PRL: variants seen among roughly 807,000 people sequenced by gnomAD.
PRL encodes prolactin.
PRL carries 24 observed loss-of-function variants against 21.3 expected under a neutral mutation model. That is an observed-to-expected ratio of 1.13 (90% confidence interval 0.82 to 1.59). The LOEUF (loss-of-function observed/expected upper bound fraction) is 1.59, where lower values mean the gene tolerates loss of function less well. PRL is among the 40% of genes most tolerant of loss of function. PRL has a pLI of 0.00. For synonymous variants in PRL, 118 were observed against 115.7 expected, an observed-to-expected ratio of 1.02 and a Z score of -0.13; for missense variants, 243 against 286.9, an observed-to-expected ratio of 0.85 and a Z score of 1.10.
chr6:22,298,842 C>T (rs532527902), upstream of PRL, among the ~76,000 whole-genome samples: 1 of 152,250 alleles, frequency 6.6e-6, no homozygotes, highest in East Asian at 1.9e-4. Context: ...ACAACTTAAT[C>T]TTAAAATTTA....
chr6:22,297,219 A>G, upstream of PRL: 1 of 553,692 alleles, frequency 1.8e-6, no homozygotes, highest in South Asian at 2.4e-5. Context: ...CTGGCCAGAA[A>G]TGAACATTCT....
At chr6:22,292,109 G>C (rs1228993092) in intron 3 of PRL, among the ~76,000 whole-genome samples, 2 of 152,108 alleles carry the variant, frequency 1.3e-5, no homozygotes, top group Non-Finnish European at 2.9e-5. Context: ...AGAACAGATG[G>C]CTCCAATAGT....
chr6:22,291,329 C>G (rs1301037795), intron 3 of PRL, among the ~76,000 whole-genome samples: 1 of 152,182 alleles, frequency 6.6e-6, no homozygotes, highest in Non-Finnish European at 1.5e-5. Flanking sequence ...TAGAATGAAG[C>G]CCAGGCTCGC....
chr6:22,298,556 G>A (rs766726640), upstream of PRL, among the ~76,000 whole-genome samples: 22 of 152,116 alleles, frequency 1.4e-4, no homozygotes, highest in African/African-American at 2.4e-4. Flanking sequence ...AAAGACTAAC[G>A]TCTCTGAAAA....
Position 22,288,911 on chromosome 6 carries a change from TGTGTGTGC to T in PRL, c.492+1255_492+1262del, listed in dbSNP as rs1760987140. On this transcript the variant is annotated intron_variant, in intron 4 of 4. Transcript: ENST00000306482. The surrounding 1 kb of genome is among the most constrained non-coding windows in gnomAD (Gnocchi z 4.5). Reference sequence around the variant, plus strand: ...GTGTGTGTGCGTGTGTGCGCGCGCGTGTGTGTGCGTGCGCGTGTGTGTGCATGTGTGTG... The same window carrying T: ...GTGTGTGTGCGTGTGTGCGCGCGCGTGTGCGCGTGTGTGTGCATGTGTGTG... Among the ~76,000 whole-genome samples, 1 of 150,082 alleles carries T rather than the reference TGTGTGTGC, an allele frequency of 6.7e-6. No individual in the cohort carries two copies. Among genetic ancestry groups the T allele is most frequent in the Non-Finnish European group, 1.5e-5 (1 of 67,534 alleles).
chr6:22,299,538 GTATA>G (rs1371318616), upstream of PRL, among the ~76,000 whole-genome samples: 4 of 152,156 alleles, frequency 2.6e-5, no homozygotes, highest in African/African-American at 9.6e-5. Flanking sequence ...ATGAAGCAAA[GTATA>G]TTTAAAATCC....
intron 2 of PRL, among the ~76,000 whole-genome samples, chr6:22,292,882 A>T (rs1411267695): frequency 6.6e-6 from 1 of 152,150 alleles, no homozygotes; most frequent in East Asian, 1.9e-4. Flanking sequence ...CCTTCTTTGC[A>T]ATTCCCTTGT....
At chr6:22,299,651 C>T (rs192481292), upstream of PRL, among the ~76,000 whole-genome samples, 41 of 152,192 alleles carry the variant, frequency 2.7e-4, no homozygotes, top group Non-Finnish European at 5.3e-4. Context: ...CCAGTCTGAT[C>T]AATATGGTGA....
chr6:22,301,917 A>G (rs1233982043), upstream of PRL, among the ~76,000 whole-genome samples: 1 of 152,204 alleles, frequency 6.6e-6, no homozygotes, highest in African/African-American at 2.4e-5. Context: ...AGTAATTCAA[A>G]CAAGTATAAT....
Position 22,287,390 on chromosome 6 carries a change from A to G in PRL, c.*12T>C, listed in dbSNP as rs1358093604. The G allele has an allele frequency of 4.4e-6, 7 of 1,600,264 alleles. No homozygotes were observed. Among genetic ancestry groups the G allele is most frequent in the Non-Finnish European group, 6.0e-6 (7 of 1,169,514 alleles). ...AAGGACCTTCTCAGAAATAGATGAA[A>G]TGGATGTGGGCTTAGCAGTTGTTGT... On this transcript the variant is annotated 3_prime_UTR_variant, in exon 5 of 5. Coordinates refer to ENST00000306482, the MANE Select transcript of PRL (RefSeq NM_000948.6).
At chr6:22,295,428 G>C (rs939053569) in intron 1 of PRL, among the ~76,000 whole-genome samples, 2 of 152,112 alleles carry the variant, frequency 1.3e-5, no homozygotes, top group East Asian at 3.9e-4. Flanking sequence ...TGTGTAATGG[G>C]GGCCGCATGA....
chr6:22,287,349 A>G lies in PRL; in HGVS notation c.*53T>C. On this transcript the variant is annotated 3_prime_UTR_variant, in exon 5 of 5. Coordinates refer to ENST00000306482, the MANE Select transcript of PRL (RefSeq NM_000948.6). ...AGAGATACAACTAAAAGAAGCTTGCAATGGAACGGATCATTAAGGACCTTC... is the reference window on the plus strand; with the variant it reads ...AGAGATACAACTAAAAGAAGCTTGCGATGGAACGGATCATTAAGGACCTTC... 1 of 1,512,998 alleles carries G rather than the reference A, an allele frequency of 6.6e-7. No individual in the cohort carries two copies. Among genetic ancestry groups the G allele is most frequent in the Non-Finnish European group, 9.0e-7 (1 of 1,110,776 alleles). 93.7% of individuals were successfully genotyped at this position (1,512,998 alleles called of 1,614,324 possible). A position where few individuals can be genotyped will look rare whatever the true frequency, so the allele number is the denominator to read the frequency against.
upstream of PRL, among the ~76,000 whole-genome samples, chr6:22,299,334 GATGCTAAAGTTCCC>G (rs1438231651): frequency 1.3e-5 from 2 of 152,178 alleles, no homozygotes; most frequent in African/African-American, 4.8e-5. Context: ...TAGCTCAAAT[GATGCTAAAGTTCCC>G]ATGCTATGTT....
At chr6:22,293,625 GGGAAGGAAGGAAGGAA>G (rs1176296800) in intron 2 of PRL, among the ~76,000 whole-genome samples, 50 of 27,324 alleles carry the variant, frequency 1.8e-3, no homozygotes, top group African/African-American at 4.8e-3. Context: ...GAGGGAAGGA[GGGAAGGAAGGAAGGAA>G]GGAAGGAAGG....
rs1362333215 is a variant in PRL at position 22,290,450 on chromosome 6, T to C, written c.313-97A>G. 4.0e-6 allele frequency: 4 copies of C among 1,007,238 alleles called. No homozygotes were observed. The East Asian group carries it at 1.1e-4, about 28-fold the overall frequency. The allele number at this position is 1,007,238 out of a possible 1,614,324, so 62.4% of individuals were successfully genotyped here. On this transcript the variant is annotated intron_variant, in intron 3 of 4. Coordinates refer to ENST00000306482, the MANE Select transcript of PRL (RefSeq NM_000948.6). ...CTTAGAGAGGCTGTACTGAAATATCTTTTTTTATTCCTATGTGTAGGTACA... is the reference window on the plus strand; with the variant it reads ...CTTAGAGAGGCTGTACTGAAATATCCTTTTTTATTCCTATGTGTAGGTACA...
At chr6:22,298,558 C>T (rs1167807997), upstream of PRL, among the ~76,000 whole-genome samples, 1 of 152,184 alleles carries the variant, frequency 6.6e-6, no homozygotes, top group Non-Finnish European at 1.5e-5. Flanking sequence ...AGACTAACGT[C>T]TCTGAAAAAC....
rs1760981260 is a variant in PRL, at chr6:22,288,873, TATGCGC to T, written c.493-1286_493-1281del. On this transcript the variant is annotated intron_variant, in intron 4 of 4. Coordinates refer to ENST00000306482, the MANE Select transcript of PRL (RefSeq NM_000948.6). This position sits in a 1 kb window ranked among gnomAD's most constrained non-coding sequence, Gnocchi z 4.5. ...TTGGAATTTAAAGTGTGTGTGTGTG[TATGCGC>T]GTGCGCGTGTGTGTGCGTGTGTGCG... 6.6e-6 allele frequency among the ~76,000 whole-genome samples: 1 copy of T among 150,586 alleles called. No homozygotes were observed. Among genetic ancestry groups the T allele is most frequent in the Admixed American group, 6.6e-5 (1 of 15,222 alleles).
At position 22,290,155 on chromosome 6, in the gene PRL, G is replaced by A. The variant is rs374382117; in HGVS notation, c.492+19C>T. ...TTATATTAATGAGAAAAACAAAGAA[G>A]CACCAGGAGGCTGCTCACCTGGCTG... On this transcript the variant is annotated intron_variant, in intron 4 of 4. Coordinates refer to ENST00000306482, the MANE Select transcript of PRL (RefSeq NM_000948.6). 14 of 1,522,024 alleles carry A rather than the reference G, an allele frequency of 9.2e-6. No individual in the cohort carries two copies. The African/African-American group carries it at 1.7e-4, about 18-fold the overall frequency. 94.3% of individuals were successfully genotyped at this position (1,522,024 alleles called of 1,614,324 possible).
At chr6:22,295,730 C>T (rs1393738180) in intron 1 of PRL, among the ~76,000 whole-genome samples, 1 of 152,152 alleles carries the variant, frequency 6.6e-6, no homozygotes, top group African/African-American at 2.4e-5. Flanking sequence ...CACTTGTTAA[C>T]TTCAGTGGCA....
Sources: gnomAD v4.1 joint callset for allele counts (sites outside exome capture counted in the v4.1 genomes callset) on GRCh38, gnomAD v4.1.1 for gene constraint, Gnocchi (gnomAD v3.1) non-coding constraint, MANE v1.5 for transcripts, NCBI Gene and HGNC (gene_info 2026-07-23, HGNC 2026-07-21) for gene names.